PRH1: variants seen among roughly 807,000 people sequenced by gnomAD.
PRH1 encodes proline rich protein HaeIII subfamily 1.
Under a neutral mutation model 7.9 loss-of-function variants are expected in PRH1, and 7 were observed. The observed-to-expected ratio is 0.89, with a 90% CI of 0.50 to 1.67. The LOEUF (loss-of-function observed/expected upper bound fraction) is 1.67, where lower values mean the gene tolerates loss of function less well. Among genes scored for constraint, PRH1 ranks in the 40% most tolerant of loss-of-function variants. The pLI is 0.00. For missense variants in PRH1, 109 were observed against 223.6 expected (o/e 0.49, Z 3.27); for synonymous variants, 45 against 80.8 (o/e 0.56, Z 2.38).
At chr12:10,939,000 C>G (rs755204232) in intron 2 of PRH1, 3 of 1,613,550 alleles carry the variant, frequency 1.9e-6, no homozygotes, top group Non-Finnish European at 2.5e-6. Flanking sequence ...GGGAAAAACA[C>G]AGACACACAC....
chr12:10,900,435 G>A (rs1440671330), intron 2 of PRH1, among the ~76,000 whole-genome samples: 1 of 152,204 alleles, frequency 6.6e-6, no homozygotes, highest in African/African-American at 2.4e-5. Flanking sequence ...CAGCGTAGCT[G>A]TGCAGGCATT....
chr12:11,022,752 T>C, intron 1 of PRH1: 1 of 571,186 alleles, frequency 1.8e-6, no homozygotes, highest in Non-Finnish European at 3.1e-6. Context: ...TTCAAAACTG[T>C]CTTTATAGAA....
chr12:11,057,122 T>G (rs960772600), intron 1 of PRH1, among the ~76,000 whole-genome samples: 1 of 152,108 alleles, frequency 6.6e-6, no homozygotes, highest in African/African-American at 2.4e-5. Context: ...TCCTCCTGCC[T>G]CAGTTTCCCA....
intron 1 of PRH1, chr12:11,133,971 T>C: frequency 6.2e-7 from 1 of 1,613,992 alleles, no homozygotes; most frequent in Non-Finnish European, 8.5e-7. Flanking sequence ...CTGAAATGGT[T>C]GGTTACTGCC....
At chr12:11,128,522 A>T (rs1946213459) in intron 1 of PRH1, among the ~76,000 whole-genome samples, 1 of 152,196 alleles carries the variant, frequency 6.6e-6, no homozygotes, top group African/African-American at 2.4e-5. Context: ...AGGCAGGTGG[A>T]TCACCTGAAG....
intron 2 of PRH1, among the ~76,000 whole-genome samples, chr12:10,949,513 A>G (rs1950537520): frequency 6.6e-6 from 1 of 152,244 alleles, no homozygotes; most frequent in Admixed American, 6.5e-5. Flanking sequence ...AATTTAAAGA[A>G]AAGCTTATAA....
At chr12:11,127,912 C>G (rs980715448) in intron 1 of PRH1, among the ~76,000 whole-genome samples, 8 of 152,046 alleles carry the variant, frequency 5.3e-5, no homozygotes, top group Non-Finnish European at 1.0e-4. Context: ...CGAGACCATC[C>G]TGGCTAACAC....
chr12:10,963,309 C>T (rs1164711640), intron 2 of PRH1, among the ~76,000 whole-genome samples: 1 of 152,070 alleles, frequency 6.6e-6, no homozygotes, highest in Non-Finnish European at 1.5e-5. Context: ...TTATTTGCAA[C>T]TAGATTATAA....
chr12:11,161,808 T>A (rs756206243), intron 1 of PRH1, among the ~76,000 whole-genome samples: 6 of 152,006 alleles, frequency 3.9e-5, no homozygotes, highest in African/African-American at 1.5e-4. Context: ...GCCACCAAAG[T>A]GAAAGAAAGA....
intron 1 of PRH1, among the ~76,000 whole-genome samples, chr12:11,084,723 A>G (rs1051307604): frequency 6.8e-6 from 1 of 148,140 alleles, no homozygotes; most frequent in African/African-American, 2.5e-5. Context: ...TACTCTTTTT[A>G]AATTCCATGA....
At chr12:11,127,417 T>C (rs149323101) in intron 1 of PRH1, among the ~76,000 whole-genome samples, 1,499 of 152,312 alleles carry the variant, frequency 9.8e-3, no homozygotes, top group African/African-American at 0.034. Flanking sequence ...ATATGTAGCT[T>C]GGTCAAAACT....
intron 1 of PRH1, among the ~76,000 whole-genome samples, chr12:10,984,559 G>C (rs942476687): frequency 6.6e-6 from 1 of 152,008 alleles, no homozygotes; most frequent in African/African-American, 2.4e-5. Flanking sequence ...TAGGCCCTGG[G>C]AGTCAACAGT....
At chr12:11,134,368 T>TAA (rs1206378501) in intron 1 of PRH1, 1 of 1,158,488 alleles carries the variant, frequency 8.6e-7, no homozygotes, top group Non-Finnish European at 1.2e-6. Flanking sequence ...ACATTCTTTT[T>TAA]ACTTTTAATT....
At chr12:11,160,332 A>G (rs1947376274) in intron 1 of PRH1, among the ~76,000 whole-genome samples, 1 of 152,222 alleles carries the variant, frequency 6.6e-6, no homozygotes, top group Non-Finnish European at 1.5e-5. Context: ...TTTGTATGCA[A>G]TGTTACAGGA....
intron 1 of PRH1, among the ~76,000 whole-genome samples, chr12:11,032,774 T>C (rs182277876): frequency 1.1e-4 from 16 of 152,220 alleles, no homozygotes; most frequent in African/African-American, 3.9e-4. Context: ...CTTTGATATA[T>C]AATCCTGCAG....
chr12:10,882,730 C>T (rs777976847), intron 2 of PRH1, 32 bp from the exon 3 acceptor site: 1 of 1,598,296 alleles, frequency 6.3e-7, no homozygotes, highest in African/African-American at 1.3e-5. Context: ...GAGCTGAGCT[C>T]ATGCTGGAAA....
chr12:11,039,749 C>T (rs1354290589), intron 1 of PRH1, among the ~76,000 whole-genome samples: 2 of 152,206 alleles, frequency 1.3e-5, no homozygotes, highest in East Asian at 3.8e-4. Context: ...GGCCAATAAT[C>T]CTTAAATCCT....
intron 1 of PRH1, chr12:11,021,470 T>C (rs1941624027): frequency 1.5e-5 from 7 of 455,878 alleles, no homozygotes; most frequent in Admixed American, 7.4e-5. Context: ...AACGTTGTTA[T>C]TCACACACAT....
At chr12:11,115,659 CTT>C (rs1308000132) in intron 1 of PRH1, among the ~76,000 whole-genome samples, 4 of 152,088 alleles carry the variant, frequency 2.6e-5, no homozygotes, top group African/African-American at 9.7e-5. Flanking sequence ...CAAAACAAGT[CTT>C]GAACAATCCA....
Sources: allele counts gnomAD v4.1 joint callset (sites outside exome capture counted in the v4.1 genomes callset), GRCh38; gene constraint gnomAD v4.1.1; transcripts MANE v1.5; gene names NCBI Gene and HGNC (gene_info 2026-07-23, HGNC 2026-07-21).